The following LDHC variants were observed in gnomAD, a reference collection of about 807,000 sequenced individuals.
LDHC encodes the protein L-lactate dehydrogenase C chain.
In LDHC, 20 loss-of-function variants were observed where a neutral mutation model predicts 30.2. The ratio of observed to expected loss-of-function variants is 0.66; its 90% CI spans 0.47 to 0.96. The LOEUF (loss-of-function observed/expected upper bound fraction) is 0.96, where lower values mean the gene tolerates loss of function less well. Ranked by LOEUF, LDHC falls within the 40% of genes least tolerant of loss-of-function variation. LDHC has a pLI of 0.00. For missense variants in LDHC, 362 were observed against 394.9 expected, an observed-to-expected ratio of 0.92 and a Z score of 0.71; for synonymous variants, 139 against 132.7, an observed-to-expected ratio of 1.05 and a Z score of -0.32.
At chr11:18,445,146 C>T (rs971897902) in intron 6 of LDHC, among the ~76,000 whole-genome samples, 7 of 151,948 alleles carry the variant, frequency 4.6e-5, no homozygotes, top group Admixed American at 2.6e-4. Flanking sequence ...AAGATATATA[C>T]ACACAGCTTA....
intron 2 of LDHC, among the ~76,000 whole-genome samples, chr11:18,414,948 A>T (rs1311620886): frequency 6.6e-6 from 1 of 152,164 alleles, no homozygotes; most frequent in Non-Finnish European, 1.5e-5. Flanking sequence ...AAAACAAAAA[A>T]CACCCAGCTC....
At chr11:18,418,020 A>G (rs56151802) in intron 3 of LDHC, among the ~76,000 whole-genome samples, 14,824 of 151,834 alleles carry the variant, frequency 0.098, 837 homozygotes, top group Admixed American at 0.15. Context: ...GGAAGATCCT[A>G]TTGCTAAAAT....
chr11:18,427,508 C>A (rs1565050453), intron 3 of LDHC, among the ~76,000 whole-genome samples: 1 of 152,176 alleles, frequency 6.6e-6, no homozygotes, highest in East Asian at 1.9e-4. Flanking sequence ...GGCAGTTAGA[C>A]CTCAGAGCTT....
chr11:18,448,767 A>G (rs1298371772), intron 7 of LDHC, among the ~76,000 whole-genome samples: 2 of 140,270 alleles, frequency 1.4e-5, no homozygotes, highest in Non-Finnish European at 3.1e-5. Flanking sequence ...TGTGTCAAAT[A>G]GGGAATTCTC....
intron 3 of LDHC, among the ~76,000 whole-genome samples, chr11:18,422,016 C>T (rs1848070939): frequency 6.6e-6 from 1 of 151,588 alleles, no homozygotes; most frequent in East Asian, 1.9e-4. Flanking sequence ...CCCAGCTACT[C>T]AGGAGGCTGA....
chr11:18,420,641 T>TAAAA (rs11321502), intron 3 of LDHC, among the ~76,000 whole-genome samples: 5 of 72,344 alleles, frequency 6.9e-5, no homozygotes, highest in African/African-American at 1.7e-4. Flanking sequence ...TCTTGTCTCT[T>TAAAA]AAAAAAAAAA....
At chr11:18,446,444 A>T in intron 7 of LDHC, 111 bp downstream of exon 7, 1 of 825,444 alleles carries the variant, frequency 1.2e-6, no homozygotes, top group East Asian at 2.6e-5. Context: ...TGAATAAAAA[A>T]TACAAAGACC....
At chr11:18,445,299 C>T (rs1848537438) in intron 6 of LDHC, among the ~76,000 whole-genome samples, 1 of 152,104 alleles carries the variant, frequency 6.6e-6, no homozygotes, top group South Asian at 2.1e-4. Context: ...AGTGATTCTC[C>T]TACCTCAGCC....
At chr11:18,438,206 G>A (rs1848392089) in intron 5 of LDHC, among the ~76,000 whole-genome samples, 1 of 152,184 alleles carries the variant, frequency 6.6e-6, no homozygotes, top group Non-Finnish European at 1.5e-5. Context: ...AGGCAAAGGA[G>A]GAGTAGATGT....
chr11:18,425,634 A>G (rs562774592), intron 3 of LDHC, among the ~76,000 whole-genome samples: 4 of 152,330 alleles, frequency 2.6e-5, no homozygotes, highest in Non-Finnish European at 4.4e-5. Flanking sequence ...ATTTCACAAT[A>G]GAACATTTTA....
At chr11:18,424,334 A>C (rs1271935477) in intron 3 of LDHC, among the ~76,000 whole-genome samples, 1 of 152,036 alleles carries the variant, frequency 6.6e-6, no homozygotes, top group Non-Finnish European at 1.5e-5. Flanking sequence ...GTGAGCCTAG[A>C]TCGCGCCACT....
rs1848553796 is a variant in LDHC, at chr11:18,446,277, G to T, written c.778G>T (p.Val260Leu). The T allele has an allele frequency of 3.1e-6, 5 of 1,594,818 alleles. No homozygotes were observed. The highest frequency in any genetic ancestry group is 4.3e-6 in the Non-Finnish European group (5 of 1,162,400). ...WAIGLSVMDL[V>L]GSILKNLRRV... ...TATTGGACTGTCTGTGATGGATTTG[G>T]TAGGATCCATTTTGAAAAATCTTAG... Residue 260 changes from valine (V) to leucine (L), a missense_variant, in exon 7 of 8, where the codon GTA becomes TTA. Physicochemically the swap from Val to Leu is conservative, Grantham distance 32. Coordinates refer to ENST00000541669, the MANE Select transcript of LDHC (RefSeq NM_017448.5).
intron 3 of LDHC, among the ~76,000 whole-genome samples, chr11:18,416,341 T>C (rs1327566080): frequency 1.3e-5 from 2 of 152,220 alleles, no homozygotes; most frequent in African/African-American, 4.8e-5. Flanking sequence ...CTTGGCCTCA[T>C]TGGTGTTAGC....
intron 3 of LDHC, among the ~76,000 whole-genome samples, chr11:18,423,946 A>T (rs1463666657): frequency 2.6e-5 from 4 of 152,210 alleles, no homozygotes; most frequent in African/African-American, 9.7e-5. Context: ...AAACTCAATA[A>T]CCAAGCACAG....
At position 18,429,642 on chromosome 11, in the gene LDHC, TATA is replaced by T; in HGVS notation, c.245-91_245-89del. On this transcript the variant is annotated intron_variant, in intron 3 of 7. Transcript: ENST00000541669. Reference sequence around the variant, plus strand: ...ACATAAAGGTACATGGATACTTTAATATAATACTAAGAACATACAATAGAGTTT... The same window carrying T: ...ACATAAAGGTACATGGATACTTTAATATACTAAGAACATACAATAGAGTTT... 3.2e-6 allele frequency: 2 copies of T among 626,204 alleles called. 1 individual carries two copies. Among genetic ancestry groups the T allele is most frequent in the South Asian group, 5.9e-5 (2 of 34,120 alleles). The allele number at this position is 626,204 out of a possible 1,614,324, so 38.8% of individuals were successfully genotyped here.
chr11:18,441,789 G>T (rs184098674), intron 6 of LDHC, among the ~76,000 whole-genome samples: 20 of 152,222 alleles, frequency 1.3e-4, no homozygotes, highest in African/African-American at 4.8e-4. Flanking sequence ...GCGGGCGCCT[G>T]TAATCCCAGC....
At position 18,424,381 on chromosome 11, in the gene LDHC, C is replaced by A. The variant is rs914418249; in HGVS notation, c.245-5356C>A. 6.1e-5 allele frequency among the ~76,000 whole-genome samples: 9 copies of A among 148,488 alleles called. No homozygotes were observed. The South Asian group carries it at 6.4e-4, about 11-fold the overall frequency. ...TGGGCCATGGAATGAAACTCTGTCT[C>A]AAAAAAAAACAAAAAAACCCCACGA... is the stretch of plus-strand genomic sequence containing the variant. On this transcript the variant is annotated intron_variant, in intron 3 of 7. Coordinates refer to ENST00000541669, the MANE Select transcript of LDHC (RefSeq NM_017448.5).
At chr11:18,425,470 T>C (rs72868577) in intron 3 of LDHC, among the ~76,000 whole-genome samples, 9,427 of 152,126 alleles carry the variant, frequency 0.062, 495 homozygotes, top group East Asian at 0.32. Flanking sequence ...AATCTCTGCC[T>C]CCCAGGTTCA....
chr11:18,415,244 A>G lies in LDHC; in HGVS notation c.187A>G (p.Met63Val). 6.2e-7 allele frequency: 1 copy of G among 1,610,848 alleles called. No homozygotes were observed. The highest frequency in any genetic ancestry group is 8.5e-7 in the Non-Finnish European group (1 of 1,177,538). The stretch of plus-strand genomic sequence containing the variant: ...ATTGGACAAACTGAAGGGAGAAATG[A>G]TGGATCTTCAGCATGGCAGTCTTTT... The part of the protein sequence containing the change: ...VALDKLKGEM[M>V]DLQHGSLFFS... The change falls in exon 3 of 8, where the codon ATG (methionine) becomes GTG (valine). Residue 63 changes from methionine to valine, a missense_variant. Met to Val is a conservative substitution (Grantham distance 21). Transcript: ENST00000541669.
Sources: allele counts gnomAD v4.1 joint callset (sites outside exome capture counted in the v4.1 genomes callset), GRCh38; gene constraint gnomAD v4.1.1; transcripts MANE v1.5; gene names NCBI Gene and HGNC (gene_info 2026-07-23, HGNC 2026-07-21).